Variants in TOX observed in about 807,000 individuals in gnomAD.
TOX encodes the protein thymocyte selection-associated high mobility group box protein TOX.
TOX carries 11 observed loss-of-function variants against 53.7 expected under a neutral mutation model. The ratio of observed to expected loss-of-function variants is 0.20; its 90% CI spans 0.13 to 0.34. The LOEUF (loss-of-function observed/expected upper bound fraction) is 0.34, where lower values mean the gene tolerates loss of function less well. TOX is among the 10% of genes least tolerant of loss of function. The pLI is 1.00. For missense variants in TOX, 570 were observed against 664.6 expected, an observed-to-expected ratio of 0.86 and a Z score of 1.56; for synonymous variants, 225 against 245.3, an observed-to-expected ratio of 0.92 and a Z score of 0.77.
chr8:59,071,765 TGG>T (rs1318361419), intron 1 of TOX, among the ~76,000 whole-genome samples: 2 of 152,216 alleles, frequency 1.3e-5, no homozygotes, highest in African/African-American at 4.8e-5. Context: ...CAGCTGAATA[TGG>T]ATCTATATCT....
At chr8:58,843,091 C>A (rs1401978487) in intron 4 of TOX, among the ~76,000 whole-genome samples, 1 of 152,212 alleles carries the variant, frequency 6.6e-6, no homozygotes, top group African/African-American at 2.4e-5. Flanking sequence ...CCCATTAAAG[C>A]AGACTACCAG....
At chr8:58,902,823 G>A (rs939377516) in intron 3 of TOX, among the ~76,000 whole-genome samples, 2 of 152,088 alleles carry the variant, frequency 1.3e-5, no homozygotes, top group Non-Finnish European at 2.9e-5. Flanking sequence ...CTTTGTGAGC[G>A]TTTGAAAATC....
intron 1 of TOX, among the ~76,000 whole-genome samples, chr8:59,000,110 G>A (rs778629587): frequency 1.3e-5 from 2 of 151,894 alleles, no homozygotes; most frequent in Non-Finnish European, 2.9e-5. Flanking sequence ...GTCTTTTTAG[G>A]GGTAGAATTT....
chr8:59,092,267 A>ATATATATATATATTATATATACAT lies in TOX; in HGVS notation c.102+26618_102+26619insATGTATATATAATATATATATATA, dbSNP rs1804623810. Among the ~76,000 whole-genome samples, 6 of 89,226 alleles carry ATATATATATATATTATATATACAT rather than the reference A, an allele frequency of 6.7e-5. 1 individual carries two copies. Among genetic ancestry groups the ATATATATATATATTATATATACAT allele is most frequent in the African/African-American group, 5.1e-4 (6 of 11,702 alleles). The allele number at this position is 89,226 out of a possible 152,430, so 58.5% of individuals were successfully genotyped here. A position where few individuals can be genotyped will look rare whatever the true frequency, so the allele number is the denominator to read the frequency against. ...ACTCCATCTCATATATATATATTTT[A>ATATATATATATATTATATATACAT]TATATATATATATATTATATATACA... On this transcript the variant is annotated intron_variant, in intron 1 of 8. Coordinates refer to ENST00000361421, the MANE Select transcript of TOX (RefSeq NM_014729.3).
intron 3 of TOX, among the ~76,000 whole-genome samples, chr8:58,925,276 T>C (rs1812136366): frequency 6.6e-6 from 1 of 152,172 alleles, no homozygotes; most frequent in Non-Finnish European, 1.5e-5. Flanking sequence ...AGTATAAAAA[T>C]TGCATTGTTT....
At chr8:58,899,411 C>T (rs945022475) in intron 3 of TOX, among the ~76,000 whole-genome samples, 1 of 152,172 alleles carries the variant, frequency 6.6e-6, no homozygotes, top group African/African-American at 2.4e-5. Flanking sequence ...TTGATAAGTG[C>T]TTTGAGACTT....
At chr8:59,018,932 G>A (rs1814067970) in intron 1 of TOX, among the ~76,000 whole-genome samples, 1 of 152,138 alleles carries the variant, frequency 6.6e-6, no homozygotes, top group South Asian at 2.1e-4. Flanking sequence ...GATTCTCAAT[G>A]ATTTAACTTG....
Position 58,939,310 on chromosome 8 carries a change from T to G in TOX, c.403A>C (p.Ile135Leu), listed in dbSNP as rs772832965. The G allele has an allele frequency of 1.2e-6, 2 of 1,613,744 alleles. No homozygotes were observed. Among genetic ancestry groups the G allele is most frequent in the Middle Eastern group, 1.6e-4 (1 of 6,062 alleles). ...GGTAAGCAGATTCTTACCACAGAAA[T>G]GGAATTAGAAAGCAGTGTTCCATCC... ...GQDGTLLSNSISVMPDIRNPE... is the reference protein window; with the variant it reads ...GQDGTLLSNSLSVMPDIRNPE... The change falls in exon 3 of 9, where the codon ATT (isoleucine) becomes CTT (leucine). Residue 135 changes from isoleucine (I) to leucine (L), a missense_variant. Physicochemically the swap from Ile to Leu is conservative, Grantham distance 5 (BLOSUM62 2). This residue lies in a region of TOX where 282 missense variants were observed against 315.0 expected (regional missense o/e 0.90). Coordinates refer to ENST00000361421, the MANE Select transcript of TOX (RefSeq NM_014729.3).
chr8:58,865,827 C>CTT (rs768072284), intron 3 of TOX, among the ~76,000 whole-genome samples: 1,071 of 91,320 alleles, frequency 0.012, 86 homozygotes, highest in Non-Finnish European at 0.017. Context: ...ATGACAGTGG[C>CTT]TTTTTTTTTT....
intron 1 of TOX, among the ~76,000 whole-genome samples, chr8:59,052,899 A>T (rs1056052527): frequency 2.0e-5 from 3 of 152,216 alleles, no homozygotes; most frequent in Non-Finnish European, 4.4e-5. Context: ...CTACTTTCGT[A>T]TCACATATAT....
At chr8:58,876,056 T>G (rs1811278535) in intron 3 of TOX, among the ~76,000 whole-genome samples, 1 of 152,212 alleles carries the variant, frequency 6.6e-6, no homozygotes, top group Non-Finnish European at 1.5e-5. Flanking sequence ...AATGCCTTAC[T>G]TTTCTACCAG....
At chr8:59,091,433 C>T (rs1191924217) in intron 1 of TOX, among the ~76,000 whole-genome samples, 1 of 152,048 alleles carries the variant, frequency 6.6e-6, no homozygotes, top group Non-Finnish European at 1.5e-5. Flanking sequence ...GGGGTCTCTT[C>T]CTCTATTCAC....
chr8:58,882,134 C>T (rs1351522633), intron 3 of TOX, among the ~76,000 whole-genome samples: 1 of 152,218 alleles, frequency 6.6e-6, no homozygotes, highest in African/African-American at 2.4e-5. Context: ...TCTGGTGAAC[C>T]ATGACTGTTA....
intron 1 of TOX, among the ~76,000 whole-genome samples, chr8:59,074,853 G>C (rs558770313): frequency 6.6e-6 from 1 of 152,272 alleles, no homozygotes; most frequent in East Asian, 1.9e-4. Flanking sequence ...GAAAGAGGTG[G>C]CTGGCATTAT....
At chr8:59,026,296 A>G (rs573153435) in intron 1 of TOX, among the ~76,000 whole-genome samples, 9 of 152,270 alleles carry the variant, frequency 5.9e-5, no homozygotes, top group African/African-American at 1.9e-4. Context: ...CTTAGAGGAC[A>G]GGTTTTAGTA....
At chr8:58,965,927 G>GTTTTTTT (rs1812891005) in intron 1 of TOX, among the ~76,000 whole-genome samples, 1 of 28,748 alleles carries the variant, frequency 3.5e-5, no homozygotes, top group African/African-American at 1.2e-4. Context: ...TTTTTTTTTG[G>GTTTTTTT]TAACAGAAGA....
intron 3 of TOX, among the ~76,000 whole-genome samples, chr8:58,939,037 T>C (rs193082963): frequency 1.3e-5 from 2 of 152,362 alleles, no homozygotes; most frequent in East Asian, 3.9e-4. Flanking sequence ...TTTGACTCTA[T>C]GACAGCACAT....
intron 1 of TOX, among the ~76,000 whole-genome samples, chr8:59,000,426 A>G (rs1229123166): frequency 6.6e-6 from 1 of 152,172 alleles, no homozygotes; most frequent in East Asian, 1.9e-4. Context: ...TTCATTGGGA[A>G]AAAAATGAGC....
chr8:58,982,386 CT>C lies in TOX; in HGVS notation c.103-22379del, dbSNP rs1354914394. Among the ~76,000 whole-genome samples, 4 of 152,216 alleles carry C rather than the reference CT, an allele frequency of 2.6e-5. No homozygotes were observed. In the East Asian group the frequency reaches 7.7e-4, roughly 29 times the overall value. ...AAATATCTTTTCGGGGAGGATTACTCTGCCTATCTCCATCTTTTCATTCTTA... is the reference window on the plus strand; with the variant it reads ...AAATATCTTTTCGGGGAGGATTACTCGCCTATCTCCATCTTTTCATTCTTA... On this transcript the variant is annotated intron_variant, in intron 1 of 8. Transcript: ENST00000361421.
Sources: allele counts gnomAD v4.1 joint callset (sites outside exome capture counted in the v4.1 genomes callset), GRCh38; gene constraint gnomAD v4.1.1; regional missense constraint gnomAD v4.1.1; transcripts MANE v1.5; gene names NCBI Gene and HGNC (gene_info 2026-07-23, HGNC 2026-07-21).